TBC1D5: variants seen among roughly 807,000 people sequenced by gnomAD.
TBC1D5 encodes the protein TBC1 domain family member 5.
TBC1D5 carries 75 observed loss-of-function variants against 100.3 expected under a neutral mutation model. The observed-to-expected ratio is 0.75, with a 90% confidence interval of 0.62 to 0.91. The LOEUF (loss-of-function observed/expected upper bound fraction) is 0.91. Among genes scored for constraint, TBC1D5 ranks in the 40% least tolerant of loss-of-function variants. The pLI is 0.00. For synonymous variants in TBC1D5, 323 were observed against 325.6 expected, an observed-to-expected ratio of 0.99 and a Z score of 0.09; for missense variants, 910 against 942.4, an observed-to-expected ratio of 0.97 and a Z score of 0.45.
intron 15 of TBC1D5, among the ~76,000 whole-genome samples, chr3:17,279,133 T>G (rs1369089469): frequency 1.3e-5 from 2 of 152,258 alleles, no homozygotes; most frequent in Non-Finnish European, 2.9e-5. Context: ...GACAGCTATT[T>G]GTCACCACCA....
chr3:17,165,763 A>G (rs1022964528), intron 21 of TBC1D5, among the ~76,000 whole-genome samples: 1 of 152,260 alleles, frequency 6.6e-6, no homozygotes, highest in Non-Finnish European at 1.5e-5. Flanking sequence ...AGCTGATTTT[A>G]AAAATATTAT....
chr3:17,288,646 G>A (rs936942691), intron 15 of TBC1D5, among the ~76,000 whole-genome samples: 5 of 152,122 alleles, frequency 3.3e-5, no homozygotes, highest in Non-Finnish European at 5.9e-5. Flanking sequence ...TCCGGACCTA[G>A]CCACATGGAG....
chr3:17,251,402 A>G (rs1245420620), intron 16 of TBC1D5, among the ~76,000 whole-genome samples: 1 of 137,390 alleles, frequency 7.3e-6, no homozygotes. Flanking sequence ...GATGATCCAG[A>G]GGGAATATAT....
chr3:17,705,983 CTT>C (rs34439427), intron 1 of TBC1D5: 223 of 1,221,548 alleles, frequency 1.8e-4, no homozygotes, highest in Middle Eastern at 3.0e-4. Flanking sequence ...TTTCTTTACT[CTT>C]TTTTTTTTTT....
chr3:17,612,966 A>C (rs554263816), intron 2 of TBC1D5, among the ~76,000 whole-genome samples: 1 of 150,370 alleles, frequency 6.7e-6, no homozygotes, highest in African/African-American at 2.5e-5. Context: ...TACATGTGCC[A>C]TGTTGGTTTG....
intron 1 of TBC1D5, among the ~76,000 whole-genome samples, chr3:17,698,565 C>T (rs1435071094): frequency 4.0e-5 from 6 of 149,894 alleles, no homozygotes; most frequent in Non-Finnish European, 7.4e-5. Flanking sequence ...AACTAAAGAG[C>T]TTCTGCACAG....
chr3:17,173,256 G>A (rs2067349088), intron 19 of TBC1D5, among the ~76,000 whole-genome samples: 1 of 152,176 alleles, frequency 6.6e-6, no homozygotes, highest in Admixed American at 6.5e-5. Context: ...AGACTCCTGA[G>A]CTTCATGATT....
At chr3:17,521,978 ATG>A (rs2096068551) in intron 2 of TBC1D5, among the ~76,000 whole-genome samples, 1 of 152,142 alleles carries the variant, frequency 6.6e-6, no homozygotes, top group Non-Finnish European at 1.5e-5. Context: ...ACTTGGATAC[ATG>A]AGCCAAAAAG....
intron 4 of TBC1D5, among the ~76,000 whole-genome samples, chr3:17,426,055 C>T (rs1008590920): frequency 6.6e-6 from 1 of 151,776 alleles, no homozygotes; most frequent in African/African-American, 2.4e-5. Flanking sequence ...CCTGCGTTGT[C>T]GAATTGTGAG....
At chr3:17,706,767 TTA>T (rs1383331499) in intron 1 of TBC1D5, among the ~76,000 whole-genome samples, 1 of 151,952 alleles carries the variant, frequency 6.6e-6, no homozygotes, top group African/African-American at 2.4e-5. Context: ...TGAATTTAAA[TTA>T]TCTTTGTTTT....
At chr3:17,159,033 G>GTGT (rs1296732621) in exon 22 of TBC1D5, 2 of 152,248 alleles carry the variant, frequency 1.3e-5, no homozygotes, top group African/African-American at 4.8e-5. Context: ...CTTTTACAAA[G>GTGT]TGTTGTCATA....
chr3:17,267,514 C>A (rs1185408828), intron 15 of TBC1D5, among the ~76,000 whole-genome samples: 2 of 151,958 alleles, frequency 1.3e-5, no homozygotes, highest in South Asian at 4.2e-4. Flanking sequence ...AAAAAATATT[C>A]CTAAAGATTC....
intron 13 of TBC1D5, among the ~76,000 whole-genome samples, chr3:17,325,536 CTGGTCT>C (rs1471996693): frequency 1.3e-5 from 2 of 152,124 alleles, no homozygotes; most frequent in African/African-American, 4.8e-5. Flanking sequence ...GTTGGCCAGG[CTGGTCT>C]TGAACTCCCA....
At chr3:17,631,566 A>G (rs1050384525) in intron 1 of TBC1D5, among the ~76,000 whole-genome samples, 1 of 152,216 alleles carries the variant, frequency 6.6e-6, no homozygotes, top group Non-Finnish European at 1.5e-5. Flanking sequence ...TCATAGCTAG[A>G]CAGGAGAAAT....
chr3:17,373,675 G>A (rs2092575676), intron 12 of TBC1D5, among the ~76,000 whole-genome samples: 2 of 151,992 alleles, frequency 1.3e-5, no homozygotes, highest in South Asian at 4.1e-4. Context: ...TATTTTTCAG[G>A]CATAAAAAGA....
intron 13 of TBC1D5, among the ~76,000 whole-genome samples, chr3:17,351,411 G>A (rs1241648538): frequency 6.6e-6 from 1 of 152,168 alleles, no homozygotes; most frequent in Non-Finnish European, 1.5e-5. Context: ...AAAAAAGAAT[G>A]AGTTCATGTC....
At chr3:17,585,203 AT>A (rs2096725417) in intron 2 of TBC1D5, among the ~76,000 whole-genome samples, 1 of 152,212 alleles carries the variant, frequency 6.6e-6, no homozygotes, top group African/African-American at 2.4e-5. Context: ...TATTAAAAAG[AT>A]ACAAATGTTA....
intron 1 of TBC1D5, among the ~76,000 whole-genome samples, chr3:17,697,279 A>G (rs2072277003): frequency 1.3e-5 from 2 of 152,212 alleles, no homozygotes; most frequent in African/African-American, 2.4e-5. Context: ...ACAAAGAAAT[A>G]AAAGGTATTT....
chr3:17,584,156 C>T (rs534913603), intron 2 of TBC1D5, among the ~76,000 whole-genome samples: 17 of 152,260 alleles, frequency 1.1e-4, no homozygotes, highest in African/African-American at 3.6e-4. Flanking sequence ...AGAGACAGAA[C>T]GCAGATTGAT....
Sources: allele counts gnomAD v4.1 joint callset (sites outside exome capture counted in the v4.1 genomes callset), GRCh38; gene constraint gnomAD v4.1.1; transcripts MANE v1.5; gene names NCBI Gene and HGNC (gene_info 2026-07-23, HGNC 2026-07-21).